PIK3R6: variants seen among roughly 807,000 people sequenced by gnomAD.
PIK3R6 encodes phosphoinositide-3-kinase regulatory subunit 6.
Under a neutral mutation model 84.9 loss-of-function variants are expected in PIK3R6, and 91 were observed. The observed-to-expected ratio is 1.07, with a 90% confidence interval of 0.90 to 1.28. PIK3R6 has a LOEUF of 1.28. Among genes scored for constraint, PIK3R6 ranks in the 50% most tolerant of loss-of-function variants. The pLI is 0.00. For missense variants in PIK3R6, 996 were observed against 985.1 expected, an observed-to-expected ratio of 1.01 and a Z score of -0.15; for synonymous variants, 416 against 411.4, an observed-to-expected ratio of 1.01 and a Z score of -0.13.
At chr17:8,806,679 C>T (rs1039286584) in intron 18 of PIK3R6, among the ~76,000 whole-genome samples, 1 of 152,188 alleles carries the variant, frequency 6.6e-6, no homozygotes, top group African/African-American at 2.4e-5. Flanking sequence ...CTGTTGGTGG[C>T]CTAACAACAT....
chr17:8,849,647 A>T (rs2088894333), intron 2 of PIK3R6, 135 bp downstream of exon 2: 1 of 990,618 alleles, frequency 1.0e-6, no homozygotes, highest in Non-Finnish European at 1.4e-6. Flanking sequence ...TTTAGGCAGG[A>T]TCCCTGAATT....
intron 18 of PIK3R6, among the ~76,000 whole-genome samples, chr17:8,815,197 A>C (rs895106375): frequency 3.3e-4 from 51 of 152,356 alleles, no homozygotes; most frequent in South Asian, 2.3e-3. Context: ...GATAGAAAAC[A>C]AACATGTATT....
intron 1 of PIK3R6, among the ~76,000 whole-genome samples, chr17:8,857,563 A>C (rs1361994053): frequency 6.6e-6 from 1 of 152,252 alleles, no homozygotes; most frequent in African/African-American, 2.4e-5. Context: ...AATCTCACAG[A>C]TAAAGACTAA....
rs760685918 is a variant in PIK3R6 at position 8,832,935 on chromosome 17, C to T, written c.756G>A (p.Glu252=). 5.0e-6 allele frequency: 8 copies of T among 1,612,980 alleles called. No homozygotes were observed. In the South Asian group the frequency reaches 6.6e-5, roughly 13 times the overall value. The part of the protein sequence containing the change: ...PSREGHVERL[E]EIYCSLLGPA... ...GACCCAGCAGCGAGCAGTAAATCTC[C>T]TCCAGCCTCTCTACGTGTCCCTCCC... The change falls in exon 9 of 20, where the codon GAG becomes GAA. Residue 252 remains glutamate, a synonymous_variant. Coordinates refer to ENST00000619866, the MANE Select transcript of PIK3R6 (RefSeq NM_001010855.4).
chr17:8,819,177 G>A lies in PIK3R6; in HGVS notation c.1901C>T (p.Pro634Leu). The change falls in exon 18 of 20, where the codon CCC becomes CTC. Residue 634 changes from proline (P) to leucine (L), a missense_variant. Transcript: ENST00000619866. The stretch of plus-strand genomic sequence containing the variant: ...GTCTGTGACAGGAGCAGCAGGCAGG[G>A]GGCAATGGCTAGACCCTGAAACTGA... ...DTEVSGSSHC[P>L]LPAAPVTDHT... The A allele has an allele frequency of 6.2e-7, 1 of 1,609,240 alleles. No homozygotes were observed. The highest frequency in any genetic ancestry group is 8.5e-7 in the Non-Finnish European group (1 of 1,177,536).
chr17:8,817,072 T>G (rs532783007), intron 18 of PIK3R6, among the ~76,000 whole-genome samples: 1 of 152,360 alleles, frequency 6.6e-6, no homozygotes, highest in Non-Finnish European at 1.5e-5. Flanking sequence ...TACTGACATA[T>G]GCTTAATGAC....
intron 10 of PIK3R6, among the ~76,000 whole-genome samples, chr17:8,829,258 CACACACAG>C (rs1476171041): frequency 1.4e-5 from 2 of 143,092 alleles, no homozygotes; most frequent in Admixed American, 6.9e-5. Flanking sequence ...TGCACGCATA[CACACACAG>C]ACACACTGAC....
chr17:8,838,933 G>C lies in PIK3R6; in HGVS notation c.98-278C>G, dbSNP rs564312809. Among the ~76,000 whole-genome samples the C allele has an allele frequency of 1.9e-3, 296 of 152,350 alleles. 1 individual carries two copies. Among genetic ancestry groups the C allele is most frequent in the Non-Finnish European group, 3.3e-3 (222 of 68,034 alleles). On this transcript the variant is annotated intron_variant, in intron 3 of 19. Coordinates refer to ENST00000619866, the MANE Select transcript of PIK3R6 (RefSeq NM_001010855.4). ...ACAGGTGTGTGACAGGTGTATGCGT[G>C]TGGACCACAGAGCAGCAGTGCTTGC...
At chr17:8,836,379 C>A (rs1318659064) in intron 7 of PIK3R6, among the ~76,000 whole-genome samples, 168 bp downstream of exon 7, 2 of 152,188 alleles carry the variant, frequency 1.3e-5, no homozygotes, top group African/African-American at 2.4e-5. Flanking sequence ...ATGGCGCCAA[C>A]CTTGAATGGC....
At chr17:8,832,804 A>G (rs2088297348) in intron 9 of PIK3R6, 85 bp downstream of exon 9, 2 of 1,586,220 alleles carry the variant, frequency 1.3e-6, no homozygotes, top group African/African-American at 1.3e-5. Context: ...AGGCAGGTCC[A>G]GCGCTGCTCT....
At position 8,823,461 on chromosome 17, in the gene PIK3R6, A is replaced by G. The variant is rs374389807; in HGVS notation, c.1552T>C (p.Phe518Leu). ...SLDTSRTVDP[F>L]ILDVITYYIR... ...TAGTAGGTGATGACGTCTAGGATGA[A>G]GGGGTCCACAGTCCGGGATGTGTCC... Residue 518 changes from phenylalanine (F) to leucine (L), a missense_variant, in exon 14 of 20, where the codon TTC (phenylalanine) becomes CTC (leucine). Transcript: ENST00000619866. The G allele has an allele frequency of 4.9e-5, 79 of 1,612,604 alleles. No individual in the cohort carries two copies. Among genetic ancestry groups the G allele is most frequent in the Non-Finnish European group, 6.4e-5 (76 of 1,178,926 alleles).
At chr17:8,822,022 T>G in intron 16 of PIK3R6, 86 bp from the exon 17 acceptor site, 11 of 935,768 alleles carry the variant, frequency 1.2e-5, no homozygotes, top group Middle Eastern at 2.7e-4. Flanking sequence ...CTTGCCTCTC[T>G]CCCCTGTTTT....
At position 8,803,835 on chromosome 17, in the gene PIK3R6, G is replaced by T; in HGVS notation, c.2108+206C>A. 1 of 601,284 alleles carries T rather than the reference G, an allele frequency of 1.7e-6. No individual in the cohort carries two copies. The allele number at this position is 601,284 out of a possible 1,614,324, so 37.2% of individuals were successfully genotyped here. On this transcript the variant is annotated intron_variant, in intron 19 of 19. Coordinates refer to ENST00000619866, the MANE Select transcript of PIK3R6 (RefSeq NM_001010855.4). The surrounding 1 kb of genome is among the most constrained non-coding windows in gnomAD (Gnocchi z 5.0). ...AAATGCAATATCAGCTGCTGCCCTGGGTATGCCATTCATTTGCCTCGACTT... is the reference window on the plus strand; with the variant it reads ...AAATGCAATATCAGCTGCTGCCCTGTGTATGCCATTCATTTGCCTCGACTT...
chr17:8,803,455 G>A lies in PIK3R6; in HGVS notation c.2109-26C>T, dbSNP rs2087102940. The A allele has an allele frequency of 6.3e-7, 1 of 1,577,254 alleles. No individual in the cohort carries two copies. Among genetic ancestry groups the A allele is most frequent in the Non-Finnish European group, 8.6e-7 (1 of 1,163,396 alleles). On this transcript the variant is annotated intron_variant, in intron 19 of 19. Coordinates refer to ENST00000619866, the MANE Select transcript of PIK3R6 (RefSeq NM_001010855.4). This position sits in a 1 kb window ranked among gnomAD's most constrained non-coding sequence, Gnocchi z 5.0. ...CTGTGGGTGGAGAGAGACCAGCTCAGGTGACCCATCTGAGGGATCAGATTG... is the reference window on the plus strand; with the variant it reads ...CTGTGGGTGGAGAGAGACCAGCTCAAGTGACCCATCTGAGGGATCAGATTG...
rs772560360 is a variant in PIK3R6 at position 8,822,579 on chromosome 17, A to G, written c.1788+8T>C. On this transcript the variant is annotated splice_region_variant and intron_variant, in intron 16 of 19. Coordinates refer to ENST00000619866, the MANE Select transcript of PIK3R6 (RefSeq NM_001010855.4). Reference sequence around the variant, plus strand: ...GGCTACCTACTGACCACGTCCATGCACACTGACCTTCTGGTAGCATAGGGA... The same window carrying G: ...GGCTACCTACTGACCACGTCCATGCGCACTGACCTTCTGGTAGCATAGGGA... 2.3e-5 allele frequency: 37 copies of G among 1,613,808 alleles called. No homozygotes were observed. Among genetic ancestry groups the G allele is most frequent in the Non-Finnish European group, 3.1e-5 (36 of 1,179,848 alleles).
chr17:8,866,786 C>T (rs1431197666), intron 1 of PIK3R6, among the ~76,000 whole-genome samples: 1 of 152,122 alleles, frequency 6.6e-6, no homozygotes, highest in Non-Finnish European at 1.5e-5. Context: ...CCTGCACACA[C>T]CACACACCTC....
rs1273491567 is a variant in PIK3R6, at chr17:8,820,108, G to T, written c.1880-910C>A. ...ATTACAGGCGGGCTCCACCACACTG[G>T]CTAATTTTTTTTTTTTTGTATTTTT... On this transcript the variant is annotated intron_variant, in intron 17 of 19. Transcript: ENST00000619866. Among the ~76,000 whole-genome samples, 12 of 143,976 alleles carry T rather than the reference G, an allele frequency of 8.3e-5. No homozygotes were observed. In the East Asian group the frequency reaches 1.4e-3, roughly 17 times the overall value. 94.5% of individuals were successfully genotyped at this position (143,976 alleles called of 152,430 possible). A position where few individuals can be genotyped will look rare whatever the true frequency, so the allele number is the denominator to read the frequency against.
chr17:8,813,347 C>T (rs1043265508), intron 18 of PIK3R6, among the ~76,000 whole-genome samples: 1 of 152,110 alleles, frequency 6.6e-6, no homozygotes, highest in African/African-American at 2.4e-5. Flanking sequence ...ACTAATCTTA[C>T]TGACACCGTT....
At position 8,836,790 on chromosome 17, in the gene PIK3R6, C is replaced by G; in HGVS notation, c.391+1G>C. ...AGACAAAGATGCCCAGTGACTCTTACCTGGGACAGCCATCTCCGTTTTCAG... is the reference window on the plus strand; with the variant it reads ...AGACAAAGATGCCCAGTGACTCTTAGCTGGGACAGCCATCTCCGTTTTCAG... On this transcript the variant is annotated splice_donor_variant, in intron 6 of 19. Transcript: ENST00000619866. LOFTEE classifies it high-confidence loss of function. 6.2e-7 allele frequency: 1 copy of G among 1,610,160 alleles called. No individual in the cohort carries two copies. Among genetic ancestry groups the G allele is most frequent in the Non-Finnish European group, 8.5e-7 (1 of 1,178,206 alleles).
Sources: gnomAD v4.1 joint callset for allele counts (sites outside exome capture counted in the v4.1 genomes callset) on GRCh38, gnomAD v4.1.1 for gene constraint, Gnocchi (gnomAD v3.1) non-coding constraint, MANE v1.5 for transcripts, NCBI Gene and HGNC (gene_info 2026-07-23, HGNC 2026-07-21) for gene names.